The following SUGCT variants were observed in gnomAD, a reference collection of about 807,000 sequenced individuals.
The protein encoded by SUGCT is succinyl-CoA:glutarate CoA-transferase.
SUGCT carries 41 observed loss-of-function variants against 55.0 expected under a neutral mutation model. The ratio of observed to expected loss-of-function variants is 0.74; its 90% CI spans 0.58 to 0.97. The LOEUF (loss-of-function observed/expected upper bound fraction) is 0.97. Ranked by LOEUF, SUGCT falls within the 50% of genes least tolerant of loss-of-function variation. The pLI is 0.00. For synonymous variants in SUGCT, 187 were observed against 200.4 expected, an observed-to-expected ratio of 0.93 and a Z score of 0.56; for missense variants, 568 against 547.8, an observed-to-expected ratio of 1.04 and a Z score of -0.37.
intron 7 of SUGCT, among the ~76,000 whole-genome samples, chr7:40,257,239 A>G (rs1753049631): frequency 6.6e-6 from 1 of 152,080 alleles, no homozygotes; most frequent in Admixed American, 6.6e-5. Context: ...TAATTTTTTA[A>G]GATAGAATAC....
At chr7:40,860,947 C>G (rs1794472882), downstream of SUGCT, among the ~76,000 whole-genome samples, 1 of 151,640 alleles carries the variant, frequency 6.6e-6, no homozygotes, top group African/African-American at 2.4e-5. Context: ...AGCAGAATGA[C>G]AGTCTCTGTG....
chr7:40,914,007 T>A, the SUGCT span, among the ~76,000 whole-genome samples: 1 of 151,886 alleles, frequency 6.6e-6, no homozygotes, highest in African/African-American at 2.4e-5. Context: ...CACAAAAATA[T>A]GGCATTTGAC....
intron 13 of SUGCT, among the ~76,000 whole-genome samples, chr7:40,795,043 A>G (rs1790485612): frequency 6.6e-6 from 1 of 152,182 alleles, no homozygotes; most frequent in Non-Finnish European, 1.5e-5. Context: ...TCCATAGAAC[A>G]CTAATTGTAG....
At chr7:40,905,757 T>G in the SUGCT span, among the ~76,000 whole-genome samples, 1 of 151,830 alleles carries the variant, frequency 6.6e-6, no homozygotes, top group African/African-American at 2.4e-5. Flanking sequence ...ACTTTGTTAC[T>G]CAGGCTGGAG....
At chr7:40,850,753 G>C (rs1174421247) in intron 13 of SUGCT, among the ~76,000 whole-genome samples, 1 of 152,162 alleles carries the variant, frequency 6.6e-6, no homozygotes, top group African/African-American at 2.4e-5. Flanking sequence ...AAAAAACCTT[G>C]TCCCTGACAA....
chr7:40,242,672 G>A (rs906642396), intron 7 of SUGCT, among the ~76,000 whole-genome samples: 8 of 151,560 alleles, frequency 5.3e-5, no homozygotes, highest in Non-Finnish European at 7.4e-5. Context: ...TTGTTACGAT[G>A]TAGTAAATAG....
chr7:40,891,026 A>G, the SUGCT span, among the ~76,000 whole-genome samples: 1 of 152,148 alleles, frequency 6.6e-6, no homozygotes, highest in Non-Finnish European at 1.5e-5. Context: ...AGACTGAAAA[A>G]TTTCATAAAG....
the SUGCT span, among the ~76,000 whole-genome samples, chr7:40,898,789 G>A: frequency 6.6e-6 from 1 of 152,256 alleles, no homozygotes; most frequent in Middle Eastern, 3.4e-3. Flanking sequence ...GACACAAAAT[G>A]GGGTGGAGGT....
chr7:41,036,965 T>C, the SUGCT span, among the ~76,000 whole-genome samples: 2 of 152,196 alleles, frequency 1.3e-5, no homozygotes, highest in Non-Finnish European at 2.9e-5. Flanking sequence ...ACTCAGATGG[T>C]AAGTTAGCTG....
intron 12 of SUGCT, among the ~76,000 whole-genome samples, chr7:40,608,918 G>A (rs985299040): frequency 1.3e-5 from 2 of 152,146 alleles, no homozygotes; most frequent in South Asian, 2.1e-4. Context: ...ACAGCTCCGA[G>A]TTGTAGTTCT....
intron 2 of SUGCT, among the ~76,000 whole-genome samples, chr7:40,181,235 T>G (rs966610589): frequency 1.3e-5 from 2 of 152,184 alleles, no homozygotes; most frequent in Non-Finnish European, 2.9e-5. Flanking sequence ...GGAACCATAT[T>G]GAAATTAGTT....
Position 40,597,560 on chromosome 7 carries a change from T to C in SUGCT, c.1089+101174T>C, listed in dbSNP as rs368417904. The stretch of plus-strand genomic sequence containing the variant: ...TGGCAGGATTCACTTTCTGGCTTTC[T>C]TATAGAGGGGTGGGATGAAGACTAG... On this transcript the variant is annotated intron_variant, in intron 12 of 13. Transcript: ENST00000335693. Among the ~76,000 whole-genome samples the C allele has an allele frequency of 2.0e-4, 30 of 152,284 alleles. No homozygotes were observed. In the South Asian group the frequency reaches 6.2e-3, roughly 32 times the overall value.
chr7:40,947,913 C>A, the SUGCT span, among the ~76,000 whole-genome samples: 1 of 152,210 alleles, frequency 6.6e-6, no homozygotes, highest in Admixed American at 6.5e-5. Flanking sequence ...ATTCATCAGT[C>A]TCTTAGTGAG....
At chr7:41,032,373 C>A in the SUGCT span, among the ~76,000 whole-genome samples, 1 of 151,414 alleles carries the variant, frequency 6.6e-6, no homozygotes, top group Non-Finnish European at 1.5e-5. Context: ...TTCACCATCT[C>A]AGACAATTCT....
intron 7 of SUGCT, among the ~76,000 whole-genome samples, chr7:40,241,657 C>T (rs1314109385): frequency 1.3e-5 from 2 of 151,510 alleles, no homozygotes; most frequent in African/African-American, 4.8e-5. Context: ...CGTTGTGGCT[C>T]ATGCCTGTAA....
At chr7:40,651,348 G>T (rs1165809663) in intron 12 of SUGCT, among the ~76,000 whole-genome samples, 3 of 152,010 alleles carry the variant, frequency 2.0e-5, no homozygotes, top group Non-Finnish European at 4.4e-5. Flanking sequence ...GATCAGTGAT[G>T]TTAATCTTTT....
intron 12 of SUGCT, among the ~76,000 whole-genome samples, chr7:40,681,738 C>A (rs1218536834): frequency 1.3e-5 from 2 of 152,170 alleles, no homozygotes; most frequent in Non-Finnish European, 2.9e-5. Context: ...AGGGGACCCA[C>A]AGGCCAGAGG....
chr7:40,375,990 A>G (rs1784522278), intron 9 of SUGCT, among the ~76,000 whole-genome samples: 2 of 152,242 alleles, frequency 1.3e-5, no homozygotes, highest in Admixed American at 6.5e-5. Context: ...AGGATGTAGC[A>G]TATGCTTTTC....
rs1248901529 is a variant in SUGCT at position 40,217,385 on chromosome 7, A to AT, written c.485-20243dup. On this transcript the variant is annotated intron_variant, in intron 6 of 13. Coordinates refer to ENST00000335693, the MANE Select transcript of SUGCT (RefSeq NM_001193313.2). ...GCCACTACACCAGGCTAATTTTTGT[A>AT]TTTTTTTGTAGAGAAGGGGTTTTCC... The AT allele has an allele frequency of 2.1e-5, 9 of 433,608 alleles. 1 individual carries two copies. The highest frequency in any genetic ancestry group is 8.2e-5 in the South Asian group (5 of 60,748). The allele number at this position is 433,608 out of a possible 1,614,324, so 26.9% of individuals were successfully genotyped here. A position where few individuals can be genotyped will look rare whatever the true frequency, so the allele number is the denominator to read the frequency against.
Sources: allele counts gnomAD v4.1 joint callset (sites outside exome capture counted in the v4.1 genomes callset), GRCh38; gene constraint gnomAD v4.1.1; transcripts MANE v1.5; gene names NCBI Gene and HGNC (gene_info 2026-07-23, HGNC 2026-07-21).